OLFM1: variants seen among roughly 807,000 people sequenced by gnomAD.
OLFM1 encodes the protein olfactomedin 1.
OLFM1 carries 9 observed loss-of-function variants against 49.7 expected under a neutral mutation model. That is an observed-to-expected ratio of 0.18 (90% CI 0.11 to 0.32). The LOEUF is 0.32. Among genes scored for constraint, OLFM1 ranks in the 10% least tolerant of loss-of-function variants. OLFM1 has a pLI of 1.00. For missense variants in OLFM1, 369 were observed against 661.8 expected (o/e 0.56, Z 4.85); for synonymous variants, 240 against 271.8 (o/e 0.88, Z 1.15).
chr9:135,110,640 C>T (rs2119135319), intron 5 of OLFM1, among the ~76,000 whole-genome samples: 1 of 152,324 alleles, frequency 6.6e-6, no homozygotes, highest in South Asian at 2.1e-4. Context: ...ATCAACGCCC[C>T]TTCCAGTCAC....
At chr9:135,114,773 C>T (rs1831073546) in intron 5 of OLFM1, among the ~76,000 whole-genome samples, 1 of 152,078 alleles carries the variant, frequency 6.6e-6, no homozygotes, top group African/African-American at 2.4e-5. Flanking sequence ...AAGGGACAGG[C>T]TGGACCGGCA....
At chr9:135,089,099 G>A (rs771667337) in intron 1 of OLFM1, among the ~76,000 whole-genome samples, 7 of 152,204 alleles carry the variant, frequency 4.6e-5, no homozygotes, top group Non-Finnish European at 8.8e-5. Flanking sequence ...TTAGTGCCCT[G>A]CGAAGAGGGC....
At chr9:135,077,869 A>G (rs1243245465) in intron 1 of OLFM1, among the ~76,000 whole-genome samples, 1 of 152,210 alleles carries the variant, frequency 6.6e-6, no homozygotes, top group Non-Finnish European at 1.5e-5. Context: ...TCAGCAGGTG[A>G]AATCACGTCA....
rs542864399 is a variant in OLFM1 at position 135,092,882 on chromosome 9, C to T, written c.300+2538C>T. On this transcript the variant is annotated intron_variant, in intron 2 of 5. Coordinates refer to ENST00000371793, the MANE Select transcript of OLFM1 (RefSeq NM_001282611.2). ...CACTGTGCATTTTAGCAGGAGGCAG[C>T]GCTGCTCCGTCCTCAGCTTCCCCCG... Among the ~76,000 whole-genome samples the T allele has an allele frequency of 6.6e-5, 10 of 152,336 alleles. No individual in the cohort carries two copies. The South Asian group carries it at 1.4e-3, about 22-fold the overall frequency.
intron 4 of OLFM1, among the ~76,000 whole-genome samples, chr9:135,103,114 GCCTT>G (rs1215663716): frequency 1.3e-5 from 2 of 152,172 alleles, no homozygotes; most frequent in East Asian, 3.9e-4. Flanking sequence ...CCAAGCCCAG[GCCTT>G]CCTAGGAGAG....
chr9:135,115,373 C>T (rs1831083546), intron 5 of OLFM1, among the ~76,000 whole-genome samples: 1 of 152,230 alleles, frequency 6.6e-6, no homozygotes, highest in African/African-American at 2.4e-5. Context: ...GATTGCTTGC[C>T]CAAGGTCAGC....
Position 135,088,408 on chromosome 9 carries a change from G to A in OLFM1, c.150+269G>A, listed in dbSNP as rs1400029518. 1.3e-5 allele frequency among the ~76,000 whole-genome samples: 2 copies of A among 151,952 alleles called. No individual in the cohort carries two copies. The highest frequency in any genetic ancestry group is 2.4e-5 in the African/African-American group (1 of 41,428). ...CGTCTGGGCCCCTCGCCGCGGGGCC[G>A]GGGGAGCTTGGTGGGTTCTCGGAGG... On this transcript the variant is annotated intron_variant, in intron 1 of 5. Coordinates refer to ENST00000371793, the MANE Select transcript of OLFM1 (RefSeq NM_001282611.2). The surrounding 1 kb of genome is among the most constrained non-coding windows in gnomAD (Gnocchi z 4.8).
chr9:135,082,738 G>A (rs895294391), upstream of OLFM1, among the ~76,000 whole-genome samples: 3 of 152,264 alleles, frequency 2.0e-5, no homozygotes, highest in East Asian at 1.9e-4. Flanking sequence ...GGGTGTTGAC[G>A]GACCCAGGGG....
chr9:135,076,168 C>G, intron 1 of OLFM1: 1 of 1,550,344 alleles, frequency 6.5e-7, no homozygotes, highest in Non-Finnish European at 8.7e-7. Context: ...AGCCAAGACC[C>G]CAGGCATTTT....
chr9:135,100,388 GC>G (rs1414827585), intron 4 of OLFM1, among the ~76,000 whole-genome samples: 5 of 152,196 alleles, frequency 3.3e-5, no homozygotes, highest in Admixed American at 1.3e-4. Context: ...AGATCACATG[GC>G]CGTCCTTGGG....
At chr9:135,083,751 G>T (rs1184613526), upstream of OLFM1, among the ~76,000 whole-genome samples, 1 of 152,214 alleles carries the variant, frequency 6.6e-6, no homozygotes, top group African/African-American at 2.4e-5. Flanking sequence ...CCTGTCATTC[G>T]AGGGCCCTGG....
At chr9:135,103,695 T>A (rs989044514) in intron 4 of OLFM1, among the ~76,000 whole-genome samples, 1 of 151,880 alleles carries the variant, frequency 6.6e-6, no homozygotes, top group African/African-American at 2.4e-5. Context: ...GTGGGAGGGG[T>A]GAAGACCACG....
upstream of OLFM1, among the ~76,000 whole-genome samples, chr9:135,084,279 CTCTTCTCTCTCTGTGTCACTCTATCTT>C (rs934825933): frequency 3.9e-5 from 6 of 152,064 alleles, no homozygotes; most frequent in South Asian, 2.1e-4. The surrounding 1 kb of genome is among the most constrained non-coding windows in gnomAD (Gnocchi z 4.6). Flanking sequence ...CTCTCTGTGT[CTCTTCTCTCTCTGTGTCACTCTATCTT>C]TCTTCTCTCT....
chr9:135,098,326 C>T lies in OLFM1; in HGVS notation c.497C>T (p.Pro166Leu). 6.2e-7 allele frequency: 1 copy of T among 1,613,830 alleles called. No individual in the cohort carries two copies. The change falls in exon 4 of 6, where the codon CCT becomes CTT. Residue 166 changes from proline to leucine, a missense_variant. Transcript: ENST00000371793. This position sits in a 1 kb window ranked among gnomAD's most constrained non-coding sequence, Gnocchi z 5.6. ...AKMDELRPLI[P>L]VLEEYKADAK... is the part of the protein sequence containing the mutation. ...ATGGATGAACTTAGGCCTTTGATAC[C>T]TGTGTTGGAAGAGTACAAGGCCGAT...
chr9:135,083,834 T>G (rs1830562442), upstream of OLFM1, among the ~76,000 whole-genome samples: 1 of 152,208 alleles, frequency 6.6e-6, no homozygotes, highest in Non-Finnish European at 1.5e-5. Context: ...ACTGAGACAT[T>G]TGGCTCTGAA....
chr9:135,107,449 G>GT (rs1830961210), intron 5 of OLFM1, among the ~76,000 whole-genome samples: 1 of 152,208 alleles, frequency 6.6e-6, no homozygotes, highest in African/African-American at 2.4e-5. Flanking sequence ...GGGGGGCTGG[G>GT]TTTTATGTTC....
At chr9:135,076,668 T>C (rs1830470292) in intron 1 of OLFM1, 3 of 1,269,680 alleles carry the variant, frequency 2.4e-6, no homozygotes, top group Non-Finnish European at 3.2e-6. Context: ...CTTTCAATGA[T>C]GCCACTGTGC....
At chr9:135,090,488 C>T in intron 2 of OLFM1, 144 bp downstream of exon 2, 1 of 848,300 alleles carries the variant, frequency 1.2e-6, no homozygotes, top group Non-Finnish European at 1.8e-6. Flanking sequence ...TTTGTCTCCA[C>T]TCAAAATATT....
chr9:135,096,005 G>A lies in OLFM1; in HGVS notation c.442G>A (p.Ala148Thr). The A allele has an allele frequency of 6.6e-7, 1 of 1,513,852 alleles. No individual in the cohort carries two copies. Among genetic ancestry groups the A allele is most frequent in the Non-Finnish European group, 8.9e-7 (1 of 1,127,110 alleles). The allele number at this position is 1,513,852 out of a possible 1,614,324, so 93.8% of individuals were successfully genotyped here. A position where few individuals can be genotyped will look rare whatever the true frequency, so the allele number is the denominator to read the frequency against. ...QVEESHKQHLARQFKAIKAKM... is the reference protein window; with the variant it reads ...QVEESHKQHLTRQFKAIKAKM... ...GGAGGAGAGTCATAAGCAACACCTG[G>A]CCAGGCAGTTTAAGGTATGCATGTT... Residue 148 changes from alanine to threonine, a missense_variant, in exon 3 of 6, where the codon GCC becomes ACC. By Grantham distance (58) the Ala-to-Thr change is moderately conservative. Around this residue, in one of 3 missense-constraint regions of OLFM1, gnomAD observed 294 missense variants for 567.5 expected, o/e 0.52. Transcript: ENST00000371793.
Sources: allele counts gnomAD v4.1 joint callset (sites outside exome capture counted in the v4.1 genomes callset), GRCh38; gene constraint gnomAD v4.1.1; regional missense constraint gnomAD v4.1.1; non-coding constraint Gnocchi (gnomAD v3.1); transcripts MANE v1.5; gene names NCBI Gene and HGNC (gene_info 2026-07-23, HGNC 2026-07-21).